The following PRSS12 variants were observed in gnomAD, a reference collection of about 807,000 sequenced individuals.
The protein encoded by PRSS12 is serine protease 12.
A neutral mutation model predicts 104.4 loss-of-function variants in PRSS12; 85 were observed. The observed-to-expected ratio is 0.81, with a 90% CI of 0.68 to 0.98. PRSS12 has a LOEUF of 0.98. Ranked by LOEUF, PRSS12 falls within the 50% of genes least tolerant of loss-of-function variation. The pLI, the probability that PRSS12 is intolerant of heterozygous loss-of-function variation, is 0.00. For synonymous variants in PRSS12, 454 were observed against 425.2 expected, an observed-to-expected ratio of 1.07 and a Z score of -0.83; for missense variants, 1,141 against 1,139.2, an observed-to-expected ratio of 1.00 and a Z score of -0.02.
Position 118,338,199 on chromosome 4 carries a change from G to A in PRSS12, c.618C>T (p.Val206=), listed in dbSNP as rs1296861784. 7.4e-6 allele frequency: 12 copies of A among 1,613,896 alleles called. No individual in the cohort carries two copies. Among genetic ancestry groups the A allele is most frequent in the Non-Finnish European group, 8.5e-6 (10 of 1,179,956 alleles). Reference sequence around the variant, plus strand: ...ACCCCAGCTGCAGCTGGTGACAAATGACTGATGCATCAGAATCATCCCAGT... The same window carrying A: ...ACCCCAGCTGCAGCTGGTGACAAATAACTGATGCATCAGAATCATCCCAGT... ...SSHWDDSDAS[V]ICHQLQLGGK... Residue 206 remains valine, a synonymous_variant, in exon 2 of 13, where the codon GTC becomes GTT. Coordinates refer to ENST00000296498, the MANE Select transcript of PRSS12 (RefSeq NM_003619.4).
At chr4:118,352,181 C>A in intron 1 of PRSS12, 38 bp downstream of exon 1, 7 of 1,608,444 alleles carry the variant, frequency 4.4e-6, no homozygotes, top group African/African-American at 1.3e-5. Flanking sequence ...GGCTCCGAGC[C>A]CGTCCGGAGT....
Position 118,331,766 on chromosome 4 carries a change from G to T in PRSS12, c.921C>A (p.Asp307Glu). The T allele has an allele frequency of 1.2e-6, 2 of 1,614,154 alleles. No homozygotes were observed. The highest frequency in any genetic ancestry group is 1.7e-6 in the Non-Finnish European group (2 of 1,180,030). ...HAGQWGTVCDDQWDDADAEVI... is the reference protein window; with the variant it reads ...HAGQWGTVCDEQWDDADAEVI... ...CTTCTGCATCGGCATCATCCCATTG[G>T]TCATCACAAACGGTTCCCCACTGGC... The change falls in exon 4 of 13, where the codon GAC becomes GAA. Residue 307 changes from aspartate (D) to glutamate (E), a missense_variant. Coordinates refer to ENST00000296498, the MANE Select transcript of PRSS12 (RefSeq NM_003619.4).
chr4:118,342,904 G>C (rs984124001), intron 1 of PRSS12, among the ~76,000 whole-genome samples: 4 of 152,120 alleles, frequency 2.6e-5, no homozygotes, highest in Admixed American at 2.6e-4. Context: ...AAACATAAAA[G>C]GTTCATGTAA....
intron 4 of PRSS12, among the ~76,000 whole-genome samples, chr4:118,325,371 C>T (rs185478512): frequency 1.3e-5 from 2 of 150,346 alleles, no homozygotes; most frequent in African/African-American, 4.9e-5. Flanking sequence ...TCTTCTCATC[C>T]ATTTCTGTAT....
chr4:118,311,003 A>G (rs2126033006), intron 7 of PRSS12, among the ~76,000 whole-genome samples: 1 of 152,206 alleles, frequency 6.6e-6, no homozygotes, highest in Non-Finnish European at 1.5e-5. Flanking sequence ...GTGAGCCGAG[A>G]TTGCGCCACT....
At position 118,308,338 on chromosome 4, in the gene PRSS12, G is replaced by C. The variant is rs74914540; in HGVS notation, c.1631+98C>G. ...TGCCAGTATTTTCAAATGAATGACA[G>C]AAGCTCATTTTAAGTAAAAAGTAAC... On this transcript the variant is annotated intron_variant, in intron 8 of 12. Transcript: ENST00000296498. The C allele has an allele frequency of 9.3e-4, 1,385 of 1,493,512 alleles. 18 individuals carry two copies. The African/African-American group carries it at 0.018, about 19-fold the overall frequency. The allele number at this position is 1,493,512 out of a possible 1,614,324, so 92.5% of individuals were successfully genotyped here. A position where few individuals can be genotyped will look rare whatever the true frequency, so the allele number is the denominator to read the frequency against.
chr4:118,320,638 A>T (rs1370263815), intron 4 of PRSS12, among the ~76,000 whole-genome samples: 1 of 152,116 alleles, frequency 6.6e-6, no homozygotes, highest in African/African-American at 2.4e-5. Context: ...CTGTGGTCCC[A>T]GCTACTCGGG....
chr4:118,323,569 G>C (rs1723689008), intron 4 of PRSS12, among the ~76,000 whole-genome samples: 1 of 151,810 alleles, frequency 6.6e-6, no homozygotes, highest in African/African-American at 2.4e-5. Context: ...AAAGTTACTA[G>C]ACTAAAATAT....
intron 4 of PRSS12, among the ~76,000 whole-genome samples, chr4:118,321,954 A>T (rs1376972201): frequency 6.6e-6 from 1 of 152,192 alleles, no homozygotes; most frequent in Non-Finnish European, 1.5e-5. Flanking sequence ...GGCCCAGAAG[A>T]CTATTAAGTA....
In PRSS12 at chr4:118,332,293, T is replaced by C. The variant is rs116279446; in HGVS notation, c.821-427A>G. ...GTCTATAACATACTTGTTTTCAGTA[T>C]AGAATTATCTATGCATTTGTAGAAA... On this transcript the variant is annotated intron_variant, in intron 3 of 12. Coordinates refer to ENST00000296498, the MANE Select transcript of PRSS12 (RefSeq NM_003619.4). Among the ~76,000 whole-genome samples the C allele has an allele frequency of 2.3e-3, 344 of 152,348 alleles. 2 individuals are homozygous for C. Among genetic ancestry groups the C allele is most frequent in the African/African-American group, 7.9e-3 (327 of 41,586 alleles).
In PRSS12 at chr4:118,318,438, A is replaced by C. The variant is rs1461491271; in HGVS notation, c.1090T>G (p.Trp364Gly). The C allele has an allele frequency of 1.2e-6, 2 of 1,614,124 alleles. No individual in the cohort carries two copies. Among genetic ancestry groups the C allele is most frequent in the East Asian group, 4.5e-5 (2 of 44,868 alleles). The part of the protein sequence containing the change: ...LSIEQCPKSS[W>G]GEHNCGHKED... ...TTATGGCCACAGTTATGCTCTCCCC[A>C]GGAGCTCTTTGGACACTGCTCAATT... Residue 364 changes from tryptophan (W) to glycine (G), a missense_variant, in exon 5 of 13, where the codon TGG becomes GGG. Coordinates refer to ENST00000296498, the MANE Select transcript of PRSS12 (RefSeq NM_003619.4).
At chr4:118,295,900 CAG>C (rs112381222) in intron 9 of PRSS12, 44 bp from the exon 10 acceptor site, 35,175 of 1,534,868 alleles carry the variant, frequency 0.023, 514 homozygotes, top group South Asian at 0.034. Context: ...ACATTGCTGA[CAG>C]AGGGGTAAGA....
At chr4:118,305,856 A>G (rs775700150) in intron 8 of PRSS12, 5 of 152,128 alleles carry the variant, frequency 3.3e-5, no homozygotes, top group Non-Finnish European at 5.9e-5. Context: ...TTCTGCTTCC[A>G]TAAGTTTGAC....
chr4:118,294,358 C>G (rs1743202544), intron 11 of PRSS12, among the ~76,000 whole-genome samples: 1 of 152,146 alleles, frequency 6.6e-6, no homozygotes, highest in South Asian at 2.1e-4. Context: ...GAAAGTAGAG[C>G]CAGTTCTACT....
At chr4:118,349,662 A>G (rs1289531801) in intron 1 of PRSS12, among the ~76,000 whole-genome samples, 1 of 152,190 alleles carries the variant, frequency 6.6e-6, no homozygotes, top group African/African-American at 2.4e-5. Context: ...ATGTCTTCAC[A>G]TATTTTCATC....
intron 4 of PRSS12, among the ~76,000 whole-genome samples, chr4:118,328,861 G>A (rs939679605): frequency 2.6e-5 from 4 of 151,890 alleles, no homozygotes; most frequent in Non-Finnish European, 4.4e-5. Context: ...TGGTGCAATC[G>A]TGGCTCACTG....
chr4:118,335,329 T>A, intron 3 of PRSS12, 144 bp downstream of exon 3: 2 of 903,430 alleles, frequency 2.2e-6, no homozygotes, highest in Non-Finnish European at 3.3e-6. Context: ...GAAGACTAAT[T>A]AGATGGTAAA....
intron 11 of PRSS12, among the ~76,000 whole-genome samples, chr4:118,286,035 T>C (rs1743009871): frequency 6.6e-6 from 1 of 152,192 alleles, no homozygotes; most frequent in African/African-American, 2.4e-5. Context: ...TAAAATAATA[T>C]CAATGTTAAA....
At chr4:118,330,229 C>T (rs1035701977) in intron 4 of PRSS12, among the ~76,000 whole-genome samples, 2 of 152,190 alleles carry the variant, frequency 1.3e-5, no homozygotes, top group African/African-American at 2.4e-5. Flanking sequence ...TGCTCAATTT[C>T]AGCTTCATTT....
Sources: allele counts gnomAD v4.1 joint callset (sites outside exome capture counted in the v4.1 genomes callset), GRCh38; gene constraint gnomAD v4.1.1; transcripts MANE v1.5; gene names NCBI Gene and HGNC (gene_info 2026-07-23, HGNC 2026-07-21).